NAV3: variants seen among roughly 807,000 people sequenced by gnomAD.
NAV3 encodes neuron navigator 3.
Under a neutral mutation model 244.7 loss-of-function variants are expected in NAV3, and 87 were observed. The ratio of observed to expected loss-of-function variants is 0.36; its 90% CI spans 0.30 to 0.42. The LOEUF (loss-of-function observed/expected upper bound fraction) is 0.42, where lower values mean the gene tolerates loss of function less well. NAV3 is among the 20% of genes least tolerant of loss of function. The probability of loss-of-function intolerance (pLI) is 1.00; values close to 1 mark genes in which losing one functional copy is unlikely to be tolerated. For missense variants in NAV3, 2,663 were observed against 2,893.3 expected (o/e 0.92, Z 1.83); for synonymous variants, 1,126 against 1,042.2 (o/e 1.08, Z -1.55).
intron 2 of NAV3, among the ~76,000 whole-genome samples, chr12:77,588,477 C>A (rs929731883): frequency 2.2e-4 from 34 of 152,108 alleles, no homozygotes; most frequent in African/African-American, 7.2e-4. Flanking sequence ...CCGTGGGGCA[C>A]TTAAATTGAG....
At chr12:77,868,498 G>T (rs1199865006) in intron 1 of NAV3, among the ~76,000 whole-genome samples, 1 of 151,970 alleles carries the variant, frequency 6.6e-6, no homozygotes, top group Non-Finnish European at 1.5e-5. Context: ...GCTCGCACCT[G>T]CAATCCCAGC....
At chr12:78,160,406 T>TGTGTGTGAGTGC (rs559024915) in intron 23 of NAV3, among the ~76,000 whole-genome samples, 23 of 138,902 alleles carry the variant, frequency 1.7e-4, no homozygotes, top group African/African-American at 6.1e-4. Context: ...TGTGCGTGCG[T>TGTGTGTGAGTGC]GTGTGTGTGT....
intron 39 of NAV3, among the ~76,000 whole-genome samples, chr12:78,208,916 TGGG>T (rs1447564451): frequency 2.0e-5 from 3 of 151,588 alleles, no homozygotes; most frequent in African/African-American, 7.3e-5. Flanking sequence ...ATAAAAGAAA[TGGG>T]AGAAGGAATA....
At position 77,918,118 on chromosome 12, in the gene NAV3, G is replaced by GTCTTT. The variant is rs972034558; in HGVS notation, c.244-22200_244-22196dup. On this transcript the variant is annotated intron_variant, in intron 1 of 39. Coordinates refer to ENST00000397909, the MANE Select transcript of NAV3 (RefSeq NM_001024383.2). ...TATACCTAAAGAACAATATTTTGGC[G>GTCTTT]TCTTTCCTTCCATATGGAATGGTTA... 5.3e-5 allele frequency among the ~76,000 whole-genome samples: 8 copies of GTCTTT among 151,878 alleles called. No individual in the cohort carries two copies. The East Asian group carries it at 1.6e-3, about 30-fold the overall frequency.
intron 2 of NAV3, among the ~76,000 whole-genome samples, chr12:77,583,032 C>G (rs371171760): frequency 6.6e-6 from 1 of 152,130 alleles, no homozygotes; most frequent in African/African-American, 2.4e-5. Flanking sequence ...TTAAAAAGAG[C>G]TTCATTTACA....
chr12:78,045,075 A>G (rs1225385002), intron 9 of NAV3, among the ~76,000 whole-genome samples: 1 of 152,204 alleles, frequency 6.6e-6, no homozygotes, highest in African/African-American at 2.4e-5. Context: ...TCTGTCATAA[A>G]TAGCCCTTAT....
At chr12:77,737,731 T>C (rs1277804585) in intron 2 of NAV3, among the ~76,000 whole-genome samples, 2 of 152,204 alleles carry the variant, frequency 1.3e-5, no homozygotes, top group East Asian at 1.9e-4. Context: ...TAAGGTCTCA[T>C]GGCCATTCAT....
chr12:77,878,338 G>T (rs887434023), intron 1 of NAV3, among the ~76,000 whole-genome samples: 1 of 152,048 alleles, frequency 6.6e-6, no homozygotes, highest in Non-Finnish European at 1.5e-5. Context: ...CAATTTTACA[G>T]CCTCAGCCTC....
intron 1 of NAV3, among the ~76,000 whole-genome samples, chr12:77,894,210 T>C (rs1363345440): frequency 6.6e-6 from 1 of 152,116 alleles, no homozygotes; most frequent in East Asian, 1.9e-4. Context: ...ATAGTGTTGT[T>C]GTCACCACCC....
In NAV3 at chr12:78,049,932, T is replaced by C. The variant is rs1882482326; in HGVS notation, c.2024-61T>C. 7.3e-6 allele frequency: 8 copies of C among 1,093,044 alleles called. No homozygotes were observed. The East Asian group carries it at 2.0e-4, about 27-fold the overall frequency. 67.7% of individuals were successfully genotyped at this position (1,093,044 alleles called of 1,614,324 possible). On this transcript the variant is annotated intron_variant, in intron 9 of 39. Transcript: ENST00000397909. ...AAGAGGTGACTTAATTATCTAGGTATACAATTATTTTGAGGATACTAAATG... is the reference window on the plus strand; with the variant it reads ...AAGAGGTGACTTAATTATCTAGGTACACAATTATTTTGAGGATACTAAATG...
chr12:77,651,260 A>T (rs1872809335), intron 2 of NAV3, among the ~76,000 whole-genome samples: 1 of 152,072 alleles, frequency 6.6e-6, no homozygotes, highest in Non-Finnish European at 1.5e-5. Flanking sequence ...AGAACATCCT[A>T]CCCTGTTTAT....
At chr12:78,192,306 G>T (rs1029558078) in intron 34 of NAV3, among the ~76,000 whole-genome samples, 1 of 151,970 alleles carries the variant, frequency 6.6e-6, no homozygotes, top group Non-Finnish European at 1.5e-5. Context: ...AATGGGCAGG[G>T]GAAAAGCATT....
At chr12:77,599,305 G>T (rs1345687388) in intron 2 of NAV3, among the ~76,000 whole-genome samples, 1 of 151,888 alleles carries the variant, frequency 6.6e-6, no homozygotes, top group Non-Finnish European at 1.5e-5. Context: ...TTATTCAATT[G>T]TATCTTCAAG....
At chr12:77,673,227 T>A (rs913545316) in intron 2 of NAV3, among the ~76,000 whole-genome samples, 1 of 152,174 alleles carries the variant, frequency 6.6e-6, no homozygotes, top group Non-Finnish European at 1.5e-5. Flanking sequence ...ACAATGAATT[T>A]GGCTTTACTA....
chr12:77,724,717 T>C (rs535838035), intron 2 of NAV3, among the ~76,000 whole-genome samples: 1 of 152,030 alleles, frequency 6.6e-6, no homozygotes, highest in East Asian at 1.9e-4. Flanking sequence ...TTCAAGGAGC[T>C]GACCATGGGC....
At chr12:77,946,273 T>G (rs1185394758) in intron 3 of NAV3, among the ~76,000 whole-genome samples, 1 of 150,942 alleles carries the variant, frequency 6.6e-6, no homozygotes, top group East Asian at 1.9e-4. Flanking sequence ...GTGCACCTTA[T>G]AAAGAAAATT....
intron 2 of NAV3, among the ~76,000 whole-genome samples, chr12:77,727,585 A>C (rs1876933742): frequency 6.6e-6 from 1 of 151,986 alleles, no homozygotes; most frequent in South Asian, 2.1e-4. Flanking sequence ...ACAGAATAAC[A>C]TGGGCAATGG....
chr12:78,073,072 C>A (rs1428663811), intron 12 of NAV3, among the ~76,000 whole-genome samples: 2 of 130,288 alleles, frequency 1.5e-5, no homozygotes. Context: ...AAACCCACAG[C>A]CAATATCATA....
intron 1 of NAV3, among the ~76,000 whole-genome samples, chr12:77,927,659 C>G (rs984396098): frequency 2.6e-5 from 4 of 152,178 alleles, no homozygotes; most frequent in Admixed American, 6.5e-5. Context: ...TCTTGTCATA[C>G]TGCTGGTAGC....
Sources: gnomAD v4.1 joint callset for allele counts (sites outside exome capture counted in the v4.1 genomes callset) on GRCh38, gnomAD v4.1.1 for gene constraint, MANE v1.5 for transcripts, NCBI Gene and HGNC (gene_info 2026-07-23, HGNC 2026-07-21) for gene names.